WWOX: variants seen among roughly 807,000 people sequenced by gnomAD.
WWOX encodes WW domain containing oxidoreductase, also known as WW domain-containing oxidoreductase.
Under a neutral mutation model 46.2 loss-of-function variants are expected in WWOX, and 69 were observed. The ratio of observed to expected loss-of-function variants is 1.49; its 90% confidence interval spans 1.23 to 1.82. The LOEUF is 1.82. Ranked by LOEUF, WWOX falls within the 40% of genes most tolerant of loss-of-function variation. WWOX has a pLI of 0.00. For missense variants in WWOX, 919 were observed against 542.6 expected, an observed-to-expected ratio of 1.69 and a Z score of -6.89; for synonymous variants, 359 against 202.6, an observed-to-expected ratio of 1.77 and a Z score of -6.56.
chr16:78,517,757 T>C (rs2043267625), intron 8 of WWOX, among the ~76,000 whole-genome samples: 1 of 152,030 alleles, frequency 6.6e-6, no homozygotes, highest in Admixed American at 6.6e-5. Context: ...TATGGAGCTG[T>C]TTACCTTGGC....
At chr16:78,251,295 GGC>G (rs2037977840) in intron 5 of WWOX, among the ~76,000 whole-genome samples, 2 of 152,114 alleles carry the variant, frequency 1.3e-5, no homozygotes, top group South Asian at 4.2e-4. Context: ...TATATGCCCT[GGC>G]AAACAGAAGG....
intron 8 of WWOX, among the ~76,000 whole-genome samples, chr16:78,565,962 C>T (rs1362123609): frequency 6.9e-6 from 1 of 144,608 alleles, no homozygotes; most frequent in African/African-American, 2.6e-5. Context: ...TTTTGTCTGC[C>T]TGGATGGCTT....
intron 6 of WWOX, among the ~76,000 whole-genome samples, chr16:78,422,601 C>T (rs1322795069): frequency 3.5e-5 from 5 of 143,060 alleles, no homozygotes; most frequent in Non-Finnish European, 7.6e-5. Context: ...CTGCCTTAGC[C>T]TCCCAAAGTG....
At chr16:78,422,669 A>ATATATATATG (rs1597211143) in intron 6 of WWOX, among the ~76,000 whole-genome samples, 1 of 64,594 alleles carries the variant, frequency 1.5e-5, no homozygotes, top group East Asian at 3.4e-4. Flanking sequence ...ACATGTATAT[A>ATATATATATG]TATATATATA....
At chr16:79,102,580 A>G (rs1465594638) in intron 8 of WWOX, among the ~76,000 whole-genome samples, 5 of 152,218 alleles carry the variant, frequency 3.3e-5, no homozygotes, top group African/African-American at 4.8e-5. Context: ...ATATATAGCA[A>G]ACGGGTAGAA....
intron 5 of WWOX, among the ~76,000 whole-genome samples, chr16:78,298,914 T>A (rs2079990466): frequency 6.6e-6 from 1 of 152,168 alleles, no homozygotes; most frequent in South Asian, 2.1e-4. Context: ...GCTCTCTTAT[T>A]GCTACCGGAC....
intron 8 of WWOX, among the ~76,000 whole-genome samples, chr16:78,678,946 A>C (rs904268474): frequency 2.0e-5 from 3 of 152,136 alleles, no homozygotes; most frequent in Non-Finnish European, 4.4e-5. Flanking sequence ...TGGGCCTGGC[A>C]TACGGCATCA....
intron 8 of WWOX, among the ~76,000 whole-genome samples, chr16:78,439,292 A>T (rs994384694): frequency 9.9e-5 from 15 of 152,222 alleles, no homozygotes; most frequent in African/African-American, 3.6e-4. Context: ...TTGCCAGTCC[A>T]GATATGTTAG....
chr16:79,031,794 A>T (rs1041253898), intron 8 of WWOX, among the ~76,000 whole-genome samples: 2 of 135,380 alleles, frequency 1.5e-5, no homozygotes, highest in Non-Finnish European at 3.1e-5. Context: ...TATAATCTAT[A>T]TATAGATATC....
chr16:79,118,502 G>A (rs368139571), intron 8 of WWOX, among the ~76,000 whole-genome samples: 57 of 152,284 alleles, frequency 3.7e-4, no homozygotes, highest in African/African-American at 1.4e-3. Flanking sequence ...TGGAAAAATG[G>A]TGCCGATAGT....
At chr16:79,095,399 A>C (rs1367107471) in intron 8 of WWOX, among the ~76,000 whole-genome samples, 1 of 152,096 alleles carries the variant, frequency 6.6e-6, no homozygotes, top group Non-Finnish European at 1.5e-5. Flanking sequence ...AGAATGGAGA[A>C]ATTGAGGCAC....
chr16:78,999,466 T>G (rs2151359937), intron 8 of WWOX, among the ~76,000 whole-genome samples: 1 of 152,150 alleles, frequency 6.6e-6, no homozygotes, highest in South Asian at 2.1e-4. Context: ...GCGAAACTCC[T>G]TCTCAAGAAA....
intron 8 of WWOX, among the ~76,000 whole-genome samples, chr16:79,173,263 A>C (rs1390325271): frequency 6.6e-6 from 1 of 150,552 alleles, no homozygotes. Flanking sequence ...GGCACATTCC[A>C]CAGGAAGGGA....
chr16:78,852,121 G>T (rs905242787), intron 8 of WWOX, among the ~76,000 whole-genome samples: 17 of 152,248 alleles, frequency 1.1e-4, no homozygotes, highest in Middle Eastern at 3.4e-3. Flanking sequence ...TTTTGTTGTT[G>T]AAATGTTAGA....
chr16:78,469,899 G>C (rs950243902), intron 8 of WWOX, among the ~76,000 whole-genome samples: 1 of 152,238 alleles, frequency 6.6e-6, no homozygotes, highest in African/African-American at 2.4e-5. Flanking sequence ...ATTAGATAGA[G>C]CCAATAAGAT....
intron 5 of WWOX, among the ~76,000 whole-genome samples, chr16:78,247,815 T>C (rs1174331269): frequency 2.0e-5 from 3 of 152,128 alleles, no homozygotes; most frequent in Non-Finnish European, 4.4e-5. Context: ...CAAGCAGGCA[T>C]TGATGGAGGT....
intron 8 of WWOX, among the ~76,000 whole-genome samples, chr16:79,071,263 A>G (rs1478123425): frequency 1.3e-5 from 2 of 152,214 alleles, no homozygotes; most frequent in Non-Finnish European, 2.9e-5. Context: ...CTTGCTACAT[A>G]CATTTTTGAC....
chr16:78,827,016 G>T (rs185408787), intron 8 of WWOX, among the ~76,000 whole-genome samples: 10 of 152,060 alleles, frequency 6.6e-5, no homozygotes, highest in South Asian at 2.1e-4. Flanking sequence ...TCCCCGTGTC[G>T]CTTTCCTGCC....
chr16:78,444,762 C>T (rs1204621608), intron 8 of WWOX, among the ~76,000 whole-genome samples: 1 of 152,000 alleles, frequency 6.6e-6, no homozygotes, highest in Non-Finnish European at 1.5e-5. Context: ...GATCTCCTGA[C>T]CTCATGATCC....
Sources: gnomAD v4.1 joint callset for allele counts (sites outside exome capture counted in the v4.1 genomes callset) on GRCh38, gnomAD v4.1.1 for gene constraint, MANE v1.5 for transcripts, NCBI Gene and HGNC (gene_info 2026-07-23, HGNC 2026-07-21) for gene names.